The following MGA variants were observed in gnomAD, a reference collection of about 807,000 sequenced individuals.
The protein encoded by MGA is MAX dimerization protein MGA.
A neutral mutation model predicts 261.1 loss-of-function variants in MGA; 40 were observed. That is an observed-to-expected ratio of 0.15 (90% CI 0.12 to 0.20). MGA has a LOEUF of 0.20. Among genes scored for constraint, MGA ranks in the 10% least tolerant of loss-of-function variants. The probability of loss-of-function intolerance (pLI) is 1.00; values close to 1 mark genes in which losing one functional copy is unlikely to be tolerated. For missense variants in MGA, 3,397 were observed against 3,630.5 expected (o/e 0.94, Z 1.65); for synonymous variants, 1,302 against 1,290.6 (o/e 1.01, Z -0.19).
intron 2 of MGA, among the ~76,000 whole-genome samples, chr15:41,680,182 T>C (rs945831737): frequency 3.3e-5 from 5 of 152,228 alleles, no homozygotes; most frequent in Non-Finnish European, 7.3e-5. Context: ...TTCTAACTAG[T>C]CATTGTTGGT....
In MGA at chr15:41,711,298, C is replaced by T; in HGVS notation, c.3033C>T (p.Tyr1011=). The change falls in exon 8 of 24, where the codon TAC becomes TAT. Residue 1011 remains tyrosine, a synonymous_variant. Transcript: ENST00000219905. ...TTTGGGAAGGAAAACCAAGGACATA[C>T]ATCACAGAAGAGCGAGCAGATGTAT... The T allele has an allele frequency of 6.2e-7, 1 of 1,613,696 alleles. No homozygotes were observed. Among genetic ancestry groups the T allele is most frequent in the Non-Finnish European group, 8.5e-7 (1 of 1,179,786 alleles).
intron 1 of MGA, among the ~76,000 whole-genome samples, chr15:41,663,779 C>T (rs919585328): frequency 6.6e-6 from 1 of 152,014 alleles, no homozygotes; most frequent in Non-Finnish European, 1.5e-5. Flanking sequence ...CCTAGCCTAC[C>T]CCTTTCTAAA....
chr15:41,633,352 G>GTTTTTTTTTTTTTTTTTT lies in MGA; in HGVS notation c.-68+12055_-68+12056insTTTTTTTTTTTTTTTTTT, dbSNP rs1566923971. ...CTCTTCCTGACATTGCCCTCCTATG[G>GTTTTTTTTTTTTTTTTTT]TATTTTTTTTTTTTTTTTTGAGACA... On this transcript the variant is annotated intron_variant, in intron 1 of 8. Coordinates refer to the MGA transcript ENST00000566718. 2.1e-5 allele frequency among the ~76,000 whole-genome samples: 2 copies of GTTTTTTTTTTTTTTTTTT among 93,988 alleles called. 1 individual carries two copies. Among genetic ancestry groups the GTTTTTTTTTTTTTTTTTT allele is most frequent in the Non-Finnish European group, 4.5e-5 (2 of 44,092 alleles). The allele number at this position is 93,988 out of a possible 152,430, so 61.7% of individuals were successfully genotyped here. A position where few individuals can be genotyped will look rare whatever the true frequency, so the allele number is the denominator to read the frequency against.
At chr15:41,630,467 A>T (rs533991787) in intron 1 of MGA, among the ~76,000 whole-genome samples, 1 of 152,328 alleles carries the variant, frequency 6.6e-6, no homozygotes, top group East Asian at 1.9e-4. Flanking sequence ...CTTTGGCCAA[A>T]GAGTAAGTAA....
rs1340588324 is a variant in MGA at position 41,768,802 on chromosome 15, A to T, written c.*1522A>T. ...ACCTAGGTTGTAAGACCAACTTTGG[A>T]TTGGATCTAGCCAGTGAATTATTAT... On this transcript the variant is annotated 3_prime_UTR_variant, in exon 24 of 24. Transcript: ENST00000219905. The T allele has an allele frequency of 6.6e-6, 1 of 152,262 alleles. No homozygotes were observed. The highest frequency in any genetic ancestry group is 2.4e-5 in the African/African-American group (1 of 41,432). 9.4% of individuals were successfully genotyped at this position (152,262 alleles called of 1,614,324 possible).
intron 22 of MGA, 93 bp downstream of exon 22, chr15:41,762,455 T>C (rs1249366004): frequency 1.3e-6 from 1 of 744,118 alleles, no homozygotes. Context: ...TTTTTAGTTT[T>C]GTGTGGTTTT....
chr15:41,690,147 G>C lies in MGA; in HGVS notation c.1065-5928G>C, dbSNP rs147015713. 4.3e-3 allele frequency among the ~76,000 whole-genome samples: 654 copies of C among 152,224 alleles called. 5 individuals are homozygous for C. Among genetic ancestry groups the C allele is most frequent in the African/African-American group, 0.015 (620 of 41,512 alleles). ...AACACAACCACCTGTCTCTGTCTCT[G>C]TAGATTTGCCTATTTTGGATATTTT... is the stretch of plus-strand genomic sequence containing the variant. On this transcript the variant is annotated intron_variant, in intron 2 of 23. Transcript: ENST00000219905.
intron 3 of MGA, among the ~76,000 whole-genome samples, chr15:41,698,283 C>T (rs1274257648): frequency 6.6e-6 from 1 of 151,538 alleles, no homozygotes; most frequent in African/African-American, 2.4e-5. Context: ...GTTCCCCTGC[C>T]TCAGCCTCCC....
chr15:41,725,857 TAAATAAA>T (rs2061212034), intron 9 of MGA, among the ~76,000 whole-genome samples: 1 of 108,026 alleles, frequency 9.3e-6, no homozygotes, highest in African/African-American at 4.4e-5. Context: ...AAAAAAAAAA[TAAATAAA>T]TAAATAAATA....
At chr15:41,662,776 C>T (rs1566943701) in intron 1 of MGA, among the ~76,000 whole-genome samples, 1 of 152,088 alleles carries the variant, frequency 6.6e-6, no homozygotes, top group Admixed American at 6.6e-5. Flanking sequence ...TTGAGTTTCA[C>T]AAATGTAATT....
chr15:41,702,069 C>T (rs2059882837), intron 5 of MGA, among the ~76,000 whole-genome samples: 1 of 151,990 alleles, frequency 6.6e-6, no homozygotes, highest in South Asian at 2.1e-4. Context: ...TCTGTAATCC[C>T]AGCACTTTGA....
intron 22 of MGA, among the ~76,000 whole-genome samples, chr15:41,763,906 C>A (rs2063644746): frequency 1.3e-5 from 2 of 151,980 alleles, no homozygotes; most frequent in Non-Finnish European, 2.9e-5. Flanking sequence ...GCCTGTAATC[C>A]CACCCCTTAG....
intron 1 of MGA, among the ~76,000 whole-genome samples, chr15:41,628,909 G>T (rs1481912985): frequency 3.9e-5 from 6 of 152,138 alleles, no homozygotes; most frequent in Admixed American, 3.9e-4. Context: ...GGTGGCCGAG[G>T]CAGGTGGATC....
In MGA at chr15:41,740,220, G is replaced by T. The variant is rs769089411; in HGVS notation, c.4585+17G>T. On this transcript the variant is annotated intron_variant, in intron 14 of 23. Coordinates refer to ENST00000219905, the MANE Select transcript of MGA (RefSeq NM_001164273.2). ...GGCCAATTGGTAAGTTGGGGTGTAT[G>T]TATGGTTTGGAAAGGCCTATGACTT... The T allele has an allele frequency of 5.6e-6, 9 of 1,611,988 alleles. No homozygotes were observed. In the Admixed American group the frequency reaches 1.2e-4, roughly 21 times the overall value.
chr15:41,646,666 TG>T (rs951799219), intron 1 of MGA, among the ~76,000 whole-genome samples: 1 of 151,688 alleles, frequency 6.6e-6, no homozygotes, highest in African/African-American at 2.4e-5. Flanking sequence ...GCCAAGATCA[TG>T]CCGCTGTACT....
intron 5 of MGA, among the ~76,000 whole-genome samples, chr15:41,703,368 A>ACCCCCCCCCCC (rs71108121): frequency 1.1e-4 from 10 of 93,250 alleles, no homozygotes; most frequent in East Asian, 4.1e-4. Flanking sequence ...TTGTGAAGTT[A>ACCCCCCCCCCC]CCCCCCCCCC....
Position 41,736,660 on chromosome 15 carries a change from A to G in MGA, c.4396A>G (p.Lys1466Glu). 1 of 1,613,372 alleles carries G rather than the reference A, an allele frequency of 6.2e-7. No homozygotes were observed. The highest frequency in any genetic ancestry group is 8.5e-7 in the Non-Finnish European group (1 of 1,179,590). ...TCCTGCAGGGAAGCTTGTGGCCTATAAACGTAAACCCAGTTCAAGTACATC... is the reference window on the plus strand; with the variant it reads ...TCCTGCAGGGAAGCTTGTGGCCTATGAACGTAAACCCAGTTCAAGTACATC... The change falls in exon 13 of 24, where the codon AAA (lysine) becomes GAA (glutamate). Residue 1466 changes from lysine (K) to glutamate (E), a missense_variant. By Grantham distance (56) the Lys-to-Glu change is moderately conservative. Around this residue, in one of 9 missense-constraint regions of MGA, gnomAD observed 1,410 missense variants for 1,386.4 expected, o/e 1.02. Coordinates refer to ENST00000219905, the MANE Select transcript of MGA (RefSeq NM_001164273.2).
intron 1 of MGA, among the ~76,000 whole-genome samples, chr15:41,647,461 A>T (rs1473101944): frequency 6.6e-6 from 1 of 152,030 alleles, no homozygotes; most frequent in Non-Finnish European, 1.5e-5. Context: ...TAGTTCCTGG[A>T]ATACATTTTT....
chr15:41,690,433 A>G (rs1249763286), intron 2 of MGA, among the ~76,000 whole-genome samples: 3 of 152,180 alleles, frequency 2.0e-5, no homozygotes, highest in African/African-American at 7.2e-5. Context: ...TGGTGTTGAA[A>G]AGACCATTCT....
Sources: gnomAD v4.1 joint callset for allele counts (sites outside exome capture counted in the v4.1 genomes callset) on GRCh38, gnomAD v4.1.1 for gene constraint, gnomAD v4.1.1 regional missense constraint, MANE v1.5 for transcripts, NCBI Gene and HGNC (gene_info 2026-07-23, HGNC 2026-07-21) for gene names.